ATP6V1B2: variants seen among roughly 807,000 people sequenced by gnomAD.
ATP6V1B2 encodes ATPase H+ transporting V1 subunit B2.
In ATP6V1B2, 23 loss-of-function variants were observed where a neutral mutation model predicts 66.7. The observed-to-expected ratio is 0.34, with a 90% CI of 0.25 to 0.49. The LOEUF (loss-of-function observed/expected upper bound fraction) is 0.49. Among genes scored for constraint, ATP6V1B2 ranks in the 20% least tolerant of loss-of-function variants. The pLI, the probability that ATP6V1B2 is intolerant of heterozygous loss-of-function variation, is 0.99. For missense variants in ATP6V1B2, 478 were observed against 650.8 expected, an observed-to-expected ratio of 0.73 and a Z score of 2.89; for synonymous variants, 278 against 236.7, an observed-to-expected ratio of 1.17 and a Z score of -1.60.
In ATP6V1B2 at chr8:20,220,446, C is replaced by T. The variant is rs767489527; in HGVS notation, c.*44C>T. 6.7e-7 allele frequency: 1 copy of T among 1,501,950 alleles called. No homozygotes were observed. The highest frequency in any genetic ancestry group is 1.4e-5 in the African/African-American group (1 of 69,378). The allele number at this position is 1,501,950 out of a possible 1,614,324, so 93.0% of individuals were successfully genotyped here. A position where few individuals can be genotyped will look rare whatever the true frequency, so the allele number is the denominator to read the frequency against. On this transcript the variant is annotated 3_prime_UTR_variant, in exon 14 of 14. Coordinates refer to ENST00000276390, the MANE Select transcript of ATP6V1B2 (RefSeq NM_001693.4). ...TCCGCGCTCTTGTGAAATACTGGTT[C>T]TGTTTTCTTTATTCCTTTTGCACTC...
intron 1 of ATP6V1B2, among the ~76,000 whole-genome samples, chr8:20,201,905 A>G (rs1265299247): frequency 7.2e-5 from 11 of 152,140 alleles, no homozygotes; most frequent in Admixed American, 7.2e-4. Flanking sequence ...TCAGGGCATC[A>G]CATGGTGAGG....
chr8:20,216,655 T>C, intron 11 of ATP6V1B2, 160 bp downstream of exon 11: 2 of 601,152 alleles, frequency 3.3e-6, no homozygotes, highest in East Asian at 6.1e-5. Context: ...TCTTAAATTC[T>C]GGTGTCGGCA....
intron 2 of ATP6V1B2, among the ~76,000 whole-genome samples, chr8:20,207,981 T>C (rs1335694899): frequency 2.0e-5 from 3 of 152,186 alleles, no homozygotes; most frequent in East Asian, 3.8e-4. Context: ...TCAGTATTGG[T>C]ACAAGTTAGG....
rs115650210 is a variant in ATP6V1B2, at chr8:20,216,780, A to G, written c.1161+285A>G. On this transcript the variant is annotated intron_variant, in intron 11 of 13. Coordinates refer to ENST00000276390, the MANE Select transcript of ATP6V1B2 (RefSeq NM_001693.4). ...TGTTCCATAATGGTATCATCTACCAATCTTGTTATTGATAGAAAAAAATGA... is the reference window on the plus strand; with the variant it reads ...TGTTCCATAATGGTATCATCTACCAGTCTTGTTATTGATAGAAAAAAATGA... 4.5e-3 allele frequency: 1,314 copies of G among 291,794 alleles called. 22 individuals carry two copies. Among genetic ancestry groups the G allele is most frequent in the East Asian group, 0.044 (718 of 16,230 alleles). The allele number at this position is 291,794 out of a possible 1,614,324, so 18.1% of individuals were successfully genotyped here. A position where few individuals can be genotyped will look rare whatever the true frequency, so the allele number is the denominator to read the frequency against.
intron 7 of ATP6V1B2, 80 bp downstream of exon 7, chr8:20,211,833 T>A: frequency 8.6e-7 from 1 of 1,162,046 alleles, no homozygotes; most frequent in Non-Finnish European, 1.2e-6. Flanking sequence ...TGTACATATA[T>A]AGTTGAATTT....
chr8:20,204,572 T>C, intron 2 of ATP6V1B2, 33 bp downstream of exon 2: 1 of 1,570,216 alleles, frequency 6.4e-7, no homozygotes, highest in Non-Finnish European at 8.7e-7. Flanking sequence ...TCTATTTATG[T>C]AGTTAAAAAT....
At chr8:20,220,228 A>G in intron 13 of ATP6V1B2, 35 bp from the exon 14 acceptor site, 1 of 1,599,770 alleles carries the variant, frequency 6.3e-7, no homozygotes, top group Middle Eastern at 1.7e-4. Flanking sequence ...GTTGGAAGTC[A>G]TTTGCATTTA....
chr8:20,202,272 T>C (rs781025114), intron 1 of ATP6V1B2, among the ~76,000 whole-genome samples: 8 of 152,208 alleles, frequency 5.3e-5, no homozygotes, highest in Non-Finnish European at 1.2e-4. Context: ...TAAGTGGCTT[T>C]GGAGCTAGAG....
Position 20,204,403 on chromosome 8 carries a change from A to G in ATP6V1B2, c.137-81A>G, listed in dbSNP as rs145189844. On this transcript the variant is annotated intron_variant, in intron 1 of 13. Coordinates refer to ENST00000276390, the MANE Select transcript of ATP6V1B2 (RefSeq NM_001693.4). ...TTCTAATAGACATGATAACGTAGAA[A>G]GGATTTTTGGTAATGCCAGAGAGCT... 936 of 1,262,994 alleles carry G rather than the reference A, an allele frequency of 7.4e-4. 7 individuals carry two copies. In the African/African-American group the frequency reaches 0.012, roughly 16 times the overall value. The allele number at this position is 1,262,994 out of a possible 1,614,324, so 78.2% of individuals were successfully genotyped here. A position where few individuals can be genotyped will look rare whatever the true frequency, so the allele number is the denominator to read the frequency against.
At chr8:20,206,519 A>C (rs2072739670) in intron 2 of ATP6V1B2, among the ~76,000 whole-genome samples, 1 of 152,194 alleles carries the variant, frequency 6.6e-6, no homozygotes, top group African/African-American at 2.4e-5. Flanking sequence ...GGGTATATTA[A>C]TATATTAATA....
rs1003459453 is a variant in ATP6V1B2 at position 20,221,467 on chromosome 8, CTTCTATGCAG to C, written c.*1070_*1079del. The C allele has an allele frequency of 1.3e-5, 2 of 152,584 alleles. No individual in the cohort carries two copies. The highest frequency in any genetic ancestry group is 4.8e-5 in the African/African-American group (2 of 41,424). 9.5% of individuals were successfully genotyped at this position (152,584 alleles called of 1,614,324 possible). On this transcript the variant is annotated 3_prime_UTR_variant, in exon 14 of 14. Transcript: ENST00000276390. ...CTTCCTGACGTGAGCCCTGAGCGAT[CTTCTATGCAG>C]TTCTGCCATGCGTCCTGTTGGTCTC...
chr8:20,217,149 T>G lies in ATP6V1B2; in HGVS notation c.1162-71T>G, dbSNP rs17092165. ...AAGTTGTAATAATGAGTTTCAAATG[T>G]TTTTTTATTACCAGTAAAACTTGAG... On this transcript the variant is annotated intron_variant, in intron 11 of 13. Transcript: ENST00000276390. 0.04 allele frequency: 50,507 copies of G among 1,269,258 alleles called. 1,337 individuals are homozygous for G. The highest frequency in any genetic ancestry group is 0.11 in the East Asian group (4,803 of 43,002). The allele number at this position is 1,269,258 out of a possible 1,614,324, so 78.6% of individuals were successfully genotyped here. A position where few individuals can be genotyped will look rare whatever the true frequency, so the allele number is the denominator to read the frequency against.
At chr8:20,209,555 A>T (rs760979934) in intron 3 of ATP6V1B2, 24 bp downstream of exon 3, 1 of 1,598,022 alleles carries the variant, frequency 6.3e-7, no homozygotes, top group Non-Finnish European at 8.6e-7. Flanking sequence ...GGCCAGCTGA[A>T]CTGTTTCCTA....
Position 20,218,007 on chromosome 8 carries a change from T to C in ATP6V1B2, c.1267-146T>C, listed in dbSNP as rs559537905. 37 of 1,099,974 alleles carry C rather than the reference T, an allele frequency of 3.4e-5. No individual in the cohort carries two copies. The Admixed American group carries it at 7.3e-4, about 22-fold the overall frequency. The allele number at this position is 1,099,974 out of a possible 1,614,324, so 68.1% of individuals were successfully genotyped here. On this transcript the variant is annotated intron_variant, in intron 12 of 13. Coordinates refer to ENST00000276390, the MANE Select transcript of ATP6V1B2 (RefSeq NM_001693.4). ...AGTGAGAATATAGTCCTTCTGGTAC[T>C]TTCATATGAATTTTATGTGAATTGT... is the stretch of plus-strand genomic sequence containing the variant.
rs760596584 is a variant in ATP6V1B2 at position 20,197,514 on chromosome 8, T to C, written c.108T>C (p.Ser36=). 6.7e-7 allele frequency: 1 copy of C among 1,482,652 alleles called. No individual in the cohort carries two copies. Among genetic ancestry groups the C allele is most frequent in the Admixed American group, 2.3e-5 (1 of 42,634 alleles). 91.8% of individuals were successfully genotyped at this position (1,482,652 alleles called of 1,614,324 possible). Residue 36 remains serine, a synonymous_variant, in exon 1 of 14, where the codon AGT becomes AGC. Transcript: ENST00000276390. ...VGAREQALAV[S]RNYLSQPRLT... ...CTCGGGAGCAGGCGCTGGCAGTCAGTCGGAACTACCTCTCCCAGCCTCGCC... is the reference window on the plus strand; with the variant it reads ...CTCGGGAGCAGGCGCTGGCAGTCAGCCGGAACTACCTCTCCCAGCCTCGCC...
At chr8:20,219,105 C>T (rs2072883429) in intron 13 of ATP6V1B2, among the ~76,000 whole-genome samples, 1 of 152,116 alleles carries the variant, frequency 6.6e-6, no homozygotes, top group Admixed American at 6.6e-5. Flanking sequence ...ATGCCTTAGT[C>T]CTGTATTTCT....
intron 2 of ATP6V1B2, among the ~76,000 whole-genome samples, chr8:20,205,350 G>A (rs1286493395): frequency 6.6e-6 from 1 of 152,158 alleles, no homozygotes; most frequent in Non-Finnish European, 1.5e-5. Flanking sequence ...AAAATATAAT[G>A]GTGGACAACG....
intron 2 of ATP6V1B2, among the ~76,000 whole-genome samples, chr8:20,207,844 A>G (rs1382242811): frequency 2.6e-5 from 4 of 152,160 alleles, no homozygotes; most frequent in Non-Finnish European, 5.9e-5. Context: ...TAAAACTTCT[A>G]TAAATGAATA....
At position 20,220,474 on chromosome 8, in the gene ATP6V1B2, G is replaced by T; in HGVS notation, c.*72G>T. The T allele has an allele frequency of 6.8e-7, 1 of 1,462,796 alleles. No individual in the cohort carries two copies. Among genetic ancestry groups the T allele is most frequent in the Non-Finnish European group, 9.0e-7 (1 of 1,109,174 alleles). The allele number at this position is 1,462,796 out of a possible 1,614,324, so 90.6% of individuals were successfully genotyped here. A position where few individuals can be genotyped will look rare whatever the true frequency, so the allele number is the denominator to read the frequency against. On this transcript the variant is annotated 3_prime_UTR_variant, in exon 14 of 14. Coordinates refer to ENST00000276390, the MANE Select transcript of ATP6V1B2 (RefSeq NM_001693.4). The stretch of plus-strand genomic sequence containing the variant: ...TTTTCTTTATTCCTTTTGCACTCTC[G>T]GTTCCCACCTTTGTGTTGGAGTTTA...
Sources: allele counts gnomAD v4.1 joint callset (sites outside exome capture counted in the v4.1 genomes callset), GRCh38; gene constraint gnomAD v4.1.1; transcripts MANE v1.5; gene names NCBI Gene and HGNC (gene_info 2026-07-23, HGNC 2026-07-21).